ZFR: variants seen among roughly 807,000 people sequenced by gnomAD.
ZFR encodes zinc finger RNA binding protein.
ZFR carries 19 observed loss-of-function variants against 130.7 expected under a neutral mutation model. That is an observed-to-expected ratio of 0.15 (90% CI 0.10 to 0.21). The LOEUF (loss-of-function observed/expected upper bound fraction) is 0.21, where lower values mean the gene tolerates loss of function less well. Ranked by LOEUF, ZFR falls within the 10% of genes least tolerant of loss-of-function variation. The pLI is 1.00. For synonymous variants in ZFR, 466 were observed against 456.9 expected (o/e 1.02, Z -0.25); for missense variants, 872 against 1,321.5 (o/e 0.66, Z 5.27).
chr5:32,415,522 G>GTGCA (rs1457243686), intron 4 of ZFR, among the ~76,000 whole-genome samples: 27 of 133,894 alleles, frequency 2.0e-4, no homozygotes, highest in African/African-American at 9.6e-4. Context: ...GTGTGCGCGC[G>GTGCA]CGCGCGCGCG....
At chr5:32,380,248 A>G in intron 15 of ZFR, 76 bp from the exon 16 acceptor site, 1 of 1,066,176 alleles carries the variant, frequency 9.4e-7, no homozygotes. Context: ...TCCTTAAGGT[A>G]GCATCAGTGT....
intron 5 of ZFR, among the ~76,000 whole-genome samples, chr5:32,413,364 T>C (rs1753753392): frequency 6.6e-6 from 1 of 152,092 alleles, no homozygotes; most frequent in South Asian, 2.1e-4. Flanking sequence ...ATAAGACAAA[T>C]GCATTTTTAT....
intron 19 of ZFR, among the ~76,000 whole-genome samples, chr5:32,362,043 A>G (rs2111655615): frequency 6.6e-6 from 1 of 152,298 alleles, no homozygotes; most frequent in Non-Finnish European, 1.5e-5. Flanking sequence ...AGGTACTTCT[A>G]AGGTCTGACA....
chr5:32,399,864 T>C (rs111327045), intron 9 of ZFR, 143 bp downstream of exon 9: 1 of 766,126 alleles, frequency 1.3e-6, no homozygotes, highest in Non-Finnish European at 1.9e-6. Context: ...TGCTTTCTTA[T>C]AACAAAGATT....
chr5:32,363,824 C>T (rs765679856), intron 19 of ZFR, 124 bp downstream of exon 19: 119 of 727,500 alleles, frequency 1.6e-4, no homozygotes, highest in Non-Finnish European at 2.3e-4. Context: ...TAGGGGCTTG[C>T]TTACTACAGA....
At chr5:32,379,484 G>C in intron 16 of ZFR, 1 of 157,214 alleles carries the variant, frequency 6.4e-6, no homozygotes, top group Non-Finnish European at 1.1e-5. Context: ...ATTTAAAACA[G>C]TAAACTTAAA....
At chr5:32,423,874 T>A (rs1271674985) in intron 2 of ZFR, among the ~76,000 whole-genome samples, 1 of 152,232 alleles carries the variant, frequency 6.6e-6, no homozygotes, top group Non-Finnish European at 1.5e-5. Context: ...TAAGGTATTA[T>A]CTTCAAAATT....
chr5:32,371,693 T>C lies in ZFR; in HGVS notation c.2836-7418A>G, dbSNP rs549522858. 7.2e-5 allele frequency among the ~76,000 whole-genome samples: 11 copies of C among 152,176 alleles called. 1 individual carries two copies. In the South Asian group the frequency reaches 2.1e-3, roughly 29 times the overall value. ...AAAAGAAAAACACTAGAATTTGCTA[T>C]CCTGAAGACTTTGAAAACCAGGAAA... On this transcript the variant is annotated intron_variant, in intron 17 of 19. Coordinates refer to ENST00000265069, the MANE Select transcript of ZFR (RefSeq NM_016107.5).
At chr5:32,444,556 G>C in intron 1 of ZFR, 66 bp downstream of exon 1, 1 of 1,431,602 alleles carries the variant, frequency 7.0e-7, no homozygotes, top group South Asian at 1.5e-5. Flanking sequence ...CAACCCCCGC[G>C]GCTCCCCGCT....
intron 2 of ZFR, among the ~76,000 whole-genome samples, chr5:32,431,686 G>GCTTTAAGGAC (rs1754220660): frequency 1.3e-5 from 2 of 150,376 alleles, no homozygotes; most frequent in Admixed American, 1.3e-4. Context: ...AACAGTGTTG[G>GCTTTAAGGAC]ACTTTTCTAG....
intron 17 of ZFR, among the ~76,000 whole-genome samples, chr5:32,374,804 A>C (rs1752760685): frequency 1.3e-5 from 2 of 152,286 alleles, no homozygotes; most frequent in South Asian, 4.1e-4. Flanking sequence ...AAAATTAACC[A>C]CCAGAGAGAG....
At chr5:32,390,495 G>C (rs1753144050) in intron 11 of ZFR, 58 bp from the exon 12 acceptor site, 2 of 1,480,744 alleles carry the variant, frequency 1.4e-6, no homozygotes, top group East Asian at 4.7e-5. Flanking sequence ...CCAAGAACTT[G>C]CATCAATAGT....
intron 5 of ZFR, among the ~76,000 whole-genome samples, chr5:32,409,293 T>G (rs937047313): frequency 1.3e-5 from 2 of 152,190 alleles, no homozygotes; most frequent in Admixed American, 1.3e-4. Flanking sequence ...AGCTTTCAAA[T>G]TTAAAACGTT....
chr5:32,382,483 A>G (rs559182266), intron 15 of ZFR, among the ~76,000 whole-genome samples: 3 of 152,370 alleles, frequency 2.0e-5, no homozygotes, highest in Non-Finnish European at 4.4e-5. Context: ...ATGTTTCTAA[A>G]TTTCTAATGT....
chr5:32,371,081 A>C (rs756560868), intron 17 of ZFR, among the ~76,000 whole-genome samples: 22 of 152,352 alleles, frequency 1.4e-4, no homozygotes, highest in Non-Finnish European at 2.1e-4. Flanking sequence ...ATTAAGAAAT[A>C]TATTAGGGCC....
chr5:32,388,417 T>A, intron 13 of ZFR, 52 bp downstream of exon 13: 1 of 1,540,540 alleles, frequency 6.5e-7, no homozygotes. Flanking sequence ...ATGTAAGAAG[T>A]CCACATAAGA....
chr5:32,432,789 T>C lies in ZFR; in HGVS notation c.137+11440A>G, dbSNP rs527601122. On this transcript the variant is annotated intron_variant, in intron 2 of 19. Transcript: ENST00000265069. ...TGTCACCCAGGAAGGAGTGCAGTGGTGCAATCACAGCTCACTGCACCCTCA... is the reference window on the plus strand; with the variant it reads ...TGTCACCCAGGAAGGAGTGCAGTGGCGCAATCACAGCTCACTGCACCCTCA... Among the ~76,000 whole-genome samples the C allele has an allele frequency of 1.2e-4, 18 of 152,178 alleles. No individual in the cohort carries two copies. In the South Asian group the frequency reaches 3.5e-3, roughly 30 times the overall value.
intron 2 of ZFR, among the ~76,000 whole-genome samples, chr5:32,425,008 T>C (rs1293483703): frequency 1.3e-5 from 2 of 152,172 alleles, no homozygotes; most frequent in Admixed American, 1.3e-4. Context: ...AAATGGAGTA[T>C]ACTCTCTAAA....
chr5:32,364,328 T>A, intron 17 of ZFR, 53 bp from the exon 18 acceptor site: 1 of 1,421,222 alleles, frequency 7.0e-7, no homozygotes, highest in Non-Finnish European at 9.6e-7. Flanking sequence ...GAATTACTCA[T>A]TTTCAAACTA....
Sources: gnomAD v4.1 joint callset for allele counts (sites outside exome capture counted in the v4.1 genomes callset) on GRCh38, gnomAD v4.1.1 for gene constraint, MANE v1.5 for transcripts, NCBI Gene and HGNC (gene_info 2026-07-23, HGNC 2026-07-21) for gene names.